Variants in OPRM1 observed in about 807,000 individuals in gnomAD.
OPRM1 encodes mu-type opioid receptor.
OPRM1 carries 27 observed loss-of-function variants against 31.8 expected under a neutral mutation model. The ratio of observed to expected loss-of-function variants is 0.85; its 90% CI spans 0.63 to 1.17. The LOEUF is 1.17. Ranked by LOEUF, OPRM1 falls within the 50% of genes most tolerant of loss-of-function variation. The pLI is 0.00. For synonymous variants in OPRM1, 196 were observed against 189.9 expected, an observed-to-expected ratio of 1.03 and a Z score of -0.26; for missense variants, 536 against 511.1, an observed-to-expected ratio of 1.05 and a Z score of -0.47.
intron 3 of OPRM1, among the ~76,000 whole-genome samples, chr6:154,169,443 TC>T (rs1470770786): frequency 3.9e-5 from 6 of 152,122 alleles, no homozygotes; most frequent in Non-Finnish European, 7.3e-5. Flanking sequence ...AAAATTCATC[TC>T]CATCTTTAAA....
intron 1 of OPRM1, among the ~76,000 whole-genome samples, chr6:154,048,314 C>T (rs536162910): frequency 5.1e-4 from 78 of 152,218 alleles, no homozygotes; most frequent in African/African-American, 1.8e-3. Context: ...TTTCCTGTAA[C>T]GTATCTCTCA....
At chr6:154,066,673 TGA>T (rs146037745) in intron 1 of OPRM1, among the ~76,000 whole-genome samples, 1 of 150,960 alleles carries the variant, frequency 6.6e-6, no homozygotes, top group Non-Finnish European at 1.5e-5. Context: ...TTATAAGAAT[TGA>T]GAGAGAGAGA....
At chr6:154,100,292 T>TATATATTATCATATTATTAC (rs1562472997) in intron 3 of OPRM1, among the ~76,000 whole-genome samples, 5 of 149,776 alleles carry the variant, frequency 3.3e-5, no homozygotes, top group Admixed American at 6.7e-5. Context: ...TATATCATAA[T>TATATATTATCATATTATTAC]ATATATCAAA....
In OPRM1 at chr6:154,047,192, C is replaced by G. The variant is rs116196384; in HGVS notation, c.290+7358C>G. 2.8e-3 allele frequency among the ~76,000 whole-genome samples: 425 copies of G among 149,136 alleles called. 2 individuals carry two copies. Among genetic ancestry groups the G allele is most frequent in the African/African-American group, 0.01 (412 of 40,152 alleles). ...TTTCATTCCCCCCACCCCCACCCCA[C>G]AGAAGCCACCAGGTGAGCATCACAT... On this transcript the variant is annotated intron_variant, in intron 1 of 3. Coordinates refer to ENST00000330432, the MANE Select transcript of OPRM1 (RefSeq NM_000914.5).
chr6:154,097,050 T>TC (rs1343510665), intron 3 of OPRM1, among the ~76,000 whole-genome samples: 79 of 152,376 alleles, frequency 5.2e-4, no homozygotes, highest in African/African-American at 1.9e-3. Context: ...ATGAATGTTT[T>TC]CACCAAATGA....
At chr6:154,138,221 TAGAC>T (rs1319302173) in intron 3 of OPRM1, among the ~76,000 whole-genome samples, 1 of 152,072 alleles carries the variant, frequency 6.6e-6, no homozygotes, top group African/African-American at 2.4e-5. Flanking sequence ...AGGATTAAAT[TAGAC>T]AGTATGCAAA....
intron 3 of OPRM1, among the ~76,000 whole-genome samples, chr6:154,172,867 C>T (rs9479776): frequency 0.078 from 11,938 of 152,294 alleles, 629 homozygotes; most frequent in African/African-American, 0.14. Flanking sequence ...CAAGTGGGTC[C>T]CTGACCCTCA....
rs6920666 is a variant in OPRM1 at position 154,114,190 on chromosome 6, A to T, written c.1165-4493A>T. Among the ~76,000 whole-genome samples, 1,216 of 152,316 alleles carry T rather than the reference A, an allele frequency of 8.0e-3. 14 individuals are homozygous for T. The highest frequency in any genetic ancestry group is 0.028 in the African/African-American group (1,163 of 41,556). On this transcript the variant is annotated intron_variant, in intron 3 of 3. Transcript: ENST00000330432. ...ATTGTCTCTAAGATCTAAATAGTCC[A>T]ATTAAGTGCCAGGCTTCCTTTCTCT... is the stretch of plus-strand genomic sequence containing the variant.
intron 1 of OPRM1, among the ~76,000 whole-genome samples, chr6:154,081,352 A>G (rs903804291): frequency 2.6e-5 from 4 of 152,150 alleles, no homozygotes; most frequent in Admixed American, 1.3e-4. Context: ...AAATACAGAA[A>G]AAAAGTAGCC....
chr6:154,094,098 T>C (rs1792918427), intron 3 of OPRM1: 2 of 544,416 alleles, frequency 3.7e-6, no homozygotes, highest in African/African-American at 2.0e-5. Flanking sequence ...TTGAAGTTTA[T>C]ATTGGTTGTG....
At chr6:154,236,372 G>A (rs770042462) in intron 3 of OPRM1, among the ~76,000 whole-genome samples, 1 of 152,210 alleles carries the variant, frequency 6.6e-6, no homozygotes, top group East Asian at 1.9e-4. Context: ...GAGGAGAATG[G>A]TGGTTGCCAG....
intron 3 of OPRM1, among the ~76,000 whole-genome samples, chr6:154,199,296 G>T (rs1239634108): frequency 6.6e-6 from 1 of 152,214 alleles, no homozygotes; most frequent in Non-Finnish European, 1.5e-5. Flanking sequence ...AACTATCAAG[G>T]TGATGTTATG....
rs577179575 is a variant in OPRM1 at position 154,080,946 on chromosome 6, C to G, written c.291-8880C>G. Reference sequence around the variant, plus strand: ...CAAAAAATAAGTCTTGTTGATCCTTCTTTCTAACAATCCCAATTCTCCATT... The same window carrying G: ...CAAAAAATAAGTCTTGTTGATCCTTGTTTCTAACAATCCCAATTCTCCATT... On this transcript the variant is annotated intron_variant, in intron 1 of 3. Coordinates refer to ENST00000330432, the MANE Select transcript of OPRM1 (RefSeq NM_000914.5). Among the ~76,000 whole-genome samples the G allele has an allele frequency of 1.6e-4, 25 of 152,314 alleles. 1 individual carries two copies. The highest frequency in any genetic ancestry group is 1.2e-3 in the Admixed American group (19 of 15,298).
intron 3 of OPRM1, among the ~76,000 whole-genome samples, chr6:154,139,061 C>T (rs763516022): frequency 2.0e-5 from 3 of 152,246 alleles, no homozygotes; most frequent in Non-Finnish European, 2.9e-5. Context: ...TCCCACCAAA[C>T]TGTCTTTAAA....
chr6:154,118,187 G>C (rs1382482938), intron 3 of OPRM1, among the ~76,000 whole-genome samples: 3 of 151,890 alleles, frequency 2.0e-5, no homozygotes, highest in Non-Finnish European at 4.4e-5. Flanking sequence ...GATCAGGTAG[G>C]GTGTATACTT....
chr6:154,081,768 C>T lies in OPRM1; in HGVS notation c.291-8058C>T, dbSNP rs149090619. Among the ~76,000 whole-genome samples the T allele has an allele frequency of 2.9e-3, 434 of 152,266 alleles. 2 individuals carry two copies. Among genetic ancestry groups the T allele is most frequent in the African/African-American group, 9.9e-3 (410 of 41,550 alleles). ...AATCAGCAATGCACTCCTAGAAATA[C>T]ACGTGGCCCACAATACAGGCTAGAC... On this transcript the variant is annotated intron_variant, in intron 1 of 3. Transcript: ENST00000330432.
At chr6:154,152,347 G>GAAAGAAAGAAAAGAAAAGAAAA in intron 3 of OPRM1, among the ~76,000 whole-genome samples, 2 of 65,132 alleles carry the variant, frequency 3.1e-5, no homozygotes, top group African/African-American at 1.1e-4. Context: ...AAGAAAGAAA[G>GAAAGAAAGAAAAGAAAAGAAAA]GAAAGAAAGA....
At chr6:154,107,437 A>G (rs1795741382) in intron 3 of OPRM1, 1 of 718,326 alleles carries the variant, frequency 1.4e-6, no homozygotes, top group African/African-American at 1.7e-5. Flanking sequence ...TCACTCAGAT[A>G]TTAAACCAGA....
At chr6:154,204,858 G>C (rs557461246) in intron 3 of OPRM1, among the ~76,000 whole-genome samples, 285 of 152,182 alleles carry the variant, frequency 1.9e-3, no homozygotes, top group African/African-American at 6.6e-3. Context: ...GTATTCATTA[G>C]AGCTTAGAAG....
Sources: allele counts gnomAD v4.1 joint callset (sites outside exome capture counted in the v4.1 genomes callset), GRCh38; gene constraint gnomAD v4.1.1; transcripts MANE v1.5; gene names NCBI Gene and HGNC (gene_info 2026-07-23, HGNC 2026-07-21).